The following PRH1 variants were observed in gnomAD, a reference collection of about 807,000 sequenced individuals.
The protein encoded by PRH1 is salivary acidic proline-rich phosphoprotein 1/2.
A neutral mutation model predicts 7.9 loss-of-function variants in PRH1; 7 were observed. That is an observed-to-expected ratio of 0.89 (90% CI 0.50 to 1.67). The LOEUF is 1.67. Among genes scored for constraint, PRH1 ranks in the 40% most tolerant of loss-of-function variants. PRH1 has a pLI of 0.00. For missense variants in PRH1, 109 were observed against 223.6 expected (o/e 0.49, Z 3.27); for synonymous variants, 45 against 80.8 (o/e 0.56, Z 2.38).
At position 11,021,826 on chromosome 12, in the gene PRH1, G is replaced by A. The variant is rs760514884; in HGVS notation, c.-126+25194C>T. ...GCTCTGCTGTGTCCTAAGATTCCAA[G>A]TTGATGTGATTATACACAGAAAGTA... On this transcript the variant is annotated intron_variant, in intron 1 of 3. Coordinates refer to the PRH1 transcript ENST00000539853. 7 of 1,614,270 alleles carry A rather than the reference G, an allele frequency of 4.3e-6. No homozygotes were observed. In the East Asian group the frequency reaches 1.1e-4, roughly 26 times the overall value.
At chr12:10,924,692 A>G (rs1950100952) in intron 2 of PRH1, among the ~76,000 whole-genome samples, 1 of 152,176 alleles carries the variant, frequency 6.6e-6, no homozygotes, top group South Asian at 2.1e-4. Context: ...TGTTAGTGGT[A>G]TACTCAGGGA....
At chr12:11,061,548 A>G in intron 1 of PRH1, 2 of 1,614,118 alleles carry the variant, frequency 1.2e-6, no homozygotes, top group Non-Finnish European at 1.7e-6. Context: ...CAAAACTCCA[A>G]ACTGACATGA....
rs558908658 is a variant in PRH1, at chr12:11,089,527, A to G, written n.124-42339T>C. ...AGAGCCATACCAGACATCACCACAC[A>G]TTGTTTCACATTTCTTCCTGTCTCA... is the stretch of plus-strand genomic sequence containing the variant. On this transcript the variant is annotated intron_variant and non_coding_transcript_variant, in intron 1 of 4. Transcript: ENST00000541977. 2.7e-4 allele frequency among the ~76,000 whole-genome samples: 39 copies of G among 141,944 alleles called. 7 individuals are homozygous for G. The South Asian group carries it at 7.7e-3, about 28-fold the overall frequency. The allele number at this position is 141,944 out of a possible 152,430, so 93.1% of individuals were successfully genotyped here.
rs536760520 is a variant in PRH1 at position 11,096,473 on chromosome 12, A to G, written n.124-49285T>C. Among the ~76,000 whole-genome samples the G allele has an allele frequency of 5.5e-4, 64 of 116,484 alleles. 19 individuals are homozygous for G. The highest frequency in any genetic ancestry group is 1.6e-3 in the African/African-American group (56 of 34,786). The allele number at this position is 116,484 out of a possible 152,430, so 76.4% of individuals were successfully genotyped here. A position where few individuals can be genotyped will look rare whatever the true frequency, so the allele number is the denominator to read the frequency against. Reference sequence around the variant, plus strand: ...ATTCCTAAAATCAAGTTATTAAAAAAAGTTTTTTTAAACTTTTAGTATACC... The same window carrying G: ...ATTCCTAAAATCAAGTTATTAAAAAGAGTTTTTTTAAACTTTTAGTATACC... On this transcript the variant is annotated intron_variant and non_coding_transcript_variant, in intron 1 of 4. Transcript: ENST00000541977.
chr12:11,061,998 A>G (rs768477423), intron 1 of PRH1: 9 of 1,613,824 alleles, frequency 5.6e-6, no homozygotes, highest in Middle Eastern at 1.6e-4. Context: ...TGAGGCTAGT[A>G]GCAAGCCAGT....
chr12:11,148,294 C>T, intron 1 of PRH1, among the ~76,000 whole-genome samples: 1 of 152,028 alleles, frequency 6.6e-6, no homozygotes, highest in East Asian at 1.9e-4. Context: ...TCTCCTGCCT[C>T]ATTGCCCTGG....
intron 2 of PRH1, among the ~76,000 whole-genome samples, chr12:10,969,082 T>C (rs1938659481): frequency 6.6e-6 from 1 of 152,190 alleles, no homozygotes; most frequent in Admixed American, 6.5e-5. Context: ...AGGGAGATTT[T>C]ATTTTGATGG....
At chr12:11,033,270 G>T (rs1369681539) in intron 1 of PRH1, among the ~76,000 whole-genome samples, 1 of 152,142 alleles carries the variant, frequency 6.6e-6, no homozygotes, top group African/African-American at 2.4e-5. Flanking sequence ...GGGAGGCTGA[G>T]GCAGGAGAAT....
At chr12:10,957,834 A>G (rs1229689299) in intron 2 of PRH1, among the ~76,000 whole-genome samples, 1 of 152,222 alleles carries the variant, frequency 6.6e-6, no homozygotes, top group Non-Finnish European at 1.5e-5. Flanking sequence ...TAATCATTAA[A>G]GAAATGTGAT....
rs1270188315 is a variant in PRH1, at chr12:11,097,865, C to T, written n.124-50677G>A. Among the ~76,000 whole-genome samples, 6 of 110,562 alleles carry T rather than the reference C, an allele frequency of 5.4e-5. 3 individuals are homozygous for T. The Admixed American group carries it at 5.6e-4, about 10-fold the overall frequency. 72.5% of individuals were successfully genotyped at this position (110,562 alleles called of 152,430 possible). ...ACACTATTATTCTTCCTCATGGCCT[C>T]ACGATTCTTCTATGATTCTCAGCAT... is the stretch of plus-strand genomic sequence containing the variant. On this transcript the variant is annotated intron_variant and non_coding_transcript_variant, in intron 1 of 4. Coordinates refer to the PRH1 transcript ENST00000541977.
At chr12:10,934,238 G>A (rs991458688) in intron 2 of PRH1, among the ~76,000 whole-genome samples, 2 of 152,194 alleles carry the variant, frequency 1.3e-5, no homozygotes, top group Non-Finnish European at 2.9e-5. Context: ...CCCTAGTGAT[G>A]TATTCTCTTC....
chr12:10,882,821 C>A (rs1489738027), intron 2 of PRH1, 123 bp from the exon 3 acceptor site: 3 of 1,492,724 alleles, frequency 2.0e-6, no homozygotes, highest in African/African-American at 2.8e-5. Context: ...CTCCCAACCT[C>A]CCCCCTTCCC....
At chr12:10,900,411 C>A (rs1949706541) in intron 2 of PRH1, among the ~76,000 whole-genome samples, 1 of 152,222 alleles carries the variant, frequency 6.6e-6, no homozygotes, top group South Asian at 2.1e-4. Context: ...GTCAATCATT[C>A]TTTGGTAACT....
intron 1 of PRH1, among the ~76,000 whole-genome samples, chr12:11,094,299 C>CAAAAA (rs34742610): frequency 3.7e-5 from 1 of 27,024 alleles, no homozygotes; most frequent in African/African-American, 1.5e-4. Flanking sequence ...AAGACTCTGT[C>CAAAAA]AAAAAAAAAA....
At chr12:10,939,550 TG>T (rs752352957) in intron 2 of PRH1, among the ~76,000 whole-genome samples, 1,739 of 133,030 alleles carry the variant, frequency 0.013, 16 homozygotes, top group South Asian at 0.025. Context: ...TTGGTTTGTG[TG>T]TTTTTTTTTT....
chr12:11,133,763 T>A, intron 1 of PRH1: 1 of 1,614,192 alleles, frequency 6.2e-7, no homozygotes, highest in South Asian at 1.1e-5. Context: ...CCAAGTCACG[T>A]TTCCTTCATA....
intron 1 of PRH1, among the ~76,000 whole-genome samples, chr12:11,151,296 C>T (rs1418662985): frequency 2.0e-5 from 3 of 151,264 alleles, no homozygotes; most frequent in South Asian, 2.1e-4. Flanking sequence ...TCAATGTGCC[C>T]TGCTTATGCC....
At chr12:11,171,276 G>T in intron 1 of PRH1, 1 of 937,728 alleles carries the variant, frequency 1.1e-6, no homozygotes, top group Non-Finnish European at 1.4e-6. Flanking sequence ...CCGTCCTGCC[G>T]GTCCCAGCCG....
At position 10,976,627 on chromosome 12, in the gene PRH1, TGAG is replaced by T. The variant is rs552296311; in HGVS notation, c.-125-2909_-125-2907del. ...AAAATCATACAAAAGATCAGTGGGC[TGAG>T]GAGTTTTTTTTTTTTAAATTAAGAT... On this transcript the variant is annotated intron_variant, in intron 1 of 3. Transcript: ENST00000539853. Among the ~76,000 whole-genome samples the T allele has an allele frequency of 1.7e-3, 211 of 124,006 alleles. 1 individual carries two copies. The highest frequency in any genetic ancestry group is 5.4e-3 in the African/African-American group (198 of 36,744). 81.4% of individuals were successfully genotyped at this position (124,006 alleles called of 152,430 possible).
Sources: gnomAD v4.1 joint callset for allele counts (sites outside exome capture counted in the v4.1 genomes callset) on GRCh38, gnomAD v4.1.1 for gene constraint, MANE v1.5 for transcripts, NCBI Gene and HGNC (gene_info 2026-07-23, HGNC 2026-07-21) for gene names.